The following EPHB1 variants were observed in gnomAD, a reference collection of about 807,000 sequenced individuals.
The protein encoded by EPHB1 is ephrin type-B receptor 1.
In EPHB1, 30 loss-of-function variants were observed where a neutral mutation model predicts 94.4. The ratio of observed to expected loss-of-function variants is 0.32; its 90% CI spans 0.24 to 0.43. EPHB1 has a LOEUF of 0.43. EPHB1 is among the 20% of genes least tolerant of loss of function. The pLI, the probability that EPHB1 is intolerant of heterozygous loss-of-function variation, is 1.00. For missense variants in EPHB1, 1,055 were observed against 1,308.3 expected, an observed-to-expected ratio of 0.81 and a Z score of 2.99; for synonymous variants, 522 against 489.1, an observed-to-expected ratio of 1.07 and a Z score of -0.89.
At chr3:135,205,101 C>T (rs570994736) in intron 12 of EPHB1, among the ~76,000 whole-genome samples, 10 of 151,976 alleles carry the variant, frequency 6.6e-5, no homozygotes, top group African/African-American at 1.2e-4. Context: ...CAATTGCATC[C>T]GTGTTGCTGC....
chr3:134,924,553 T>C (rs2038752931), intron 1 of EPHB1, among the ~76,000 whole-genome samples: 1 of 152,102 alleles, frequency 6.6e-6, no homozygotes, highest in Non-Finnish European at 1.5e-5. Context: ...TACACACTGA[T>C]TAAAATGGCT....
intron 1 of EPHB1, among the ~76,000 whole-genome samples, chr3:134,864,108 C>T (rs1277136841): frequency 5.3e-5 from 8 of 152,222 alleles, no homozygotes; most frequent in Non-Finnish European, 1.2e-4. Flanking sequence ...GGTTCAGCTG[C>T]AACCCTGCTC....
At chr3:135,163,674 TC>T (rs1941573659) in intron 7 of EPHB1, among the ~76,000 whole-genome samples, 1 of 152,228 alleles carries the variant, frequency 6.6e-6, no homozygotes, top group African/African-American at 2.4e-5. Context: ...AGTGCTGGTC[TC>T]TTGGCAATTC....
chr3:135,001,725 CT>C (rs1386348736), intron 3 of EPHB1, among the ~76,000 whole-genome samples: 1 of 152,140 alleles, frequency 6.6e-6, no homozygotes, highest in Non-Finnish European at 1.5e-5. Context: ...CTTGCCTCCT[CT>C]ATGTTATCCT....
rs141044606 is a variant in EPHB1, at chr3:135,069,696, A to G, written c.806-36752A>G. Reference sequence around the variant, plus strand: ...ATCTGGATCCCCTTGCTAGTTTACTATAACCAGCTTTGTGATCACAGGCCA... The same window carrying G: ...ATCTGGATCCCCTTGCTAGTTTACTGTAACCAGCTTTGTGATCACAGGCCA... On this transcript the variant is annotated intron_variant, in intron 3 of 15. Coordinates refer to ENST00000398015, the MANE Select transcript of EPHB1 (RefSeq NM_004441.5). Among the ~76,000 whole-genome samples, 4 of 152,274 alleles carry G rather than the reference A, an allele frequency of 2.6e-5. No individual in the cohort carries two copies. In the East Asian group the frequency reaches 7.7e-4, roughly 29 times the overall value.
At chr3:134,830,747 C>G (rs745847053) in intron 1 of EPHB1, among the ~76,000 whole-genome samples, 14 of 152,198 alleles carry the variant, frequency 9.2e-5, no homozygotes, top group Non-Finnish European at 2.1e-4. Context: ...CTGGCCTGAC[C>G]TCTGCCTGGC....
At position 135,110,551 on chromosome 3, in the gene EPHB1, A is replaced by C. The variant is rs117303984; in HGVS notation, c.961+3948A>C. ...TGGAACACGAGCTTCCTTCTGGATAAAATTGGGTATGCTGGAACTCAAATT... is the reference window on the plus strand; with the variant it reads ...TGGAACACGAGCTTCCTTCTGGATACAATTGGGTATGCTGGAACTCAAATT... On this transcript the variant is annotated intron_variant, in intron 4 of 15. Transcript: ENST00000398015. Among the ~76,000 whole-genome samples the C allele has an allele frequency of 4.2e-4, 64 of 152,286 alleles. No homozygotes were observed. The East Asian group carries it at 0.012, about 29-fold the overall frequency.
chr3:134,948,957 G>A (rs959106852), intron 2 of EPHB1, among the ~76,000 whole-genome samples: 1 of 152,244 alleles, frequency 6.6e-6, no homozygotes, highest in African/African-American at 2.4e-5. Flanking sequence ...AGAAAGCACA[G>A]CATAAGAACA....
chr3:134,955,841 A>G lies in EPHB1; in HGVS notation c.805+3789A>G, dbSNP rs1292613335. On this transcript the variant is annotated intron_variant, in intron 3 of 15. Coordinates refer to ENST00000398015, the MANE Select transcript of EPHB1 (RefSeq NM_004441.5). The stretch of plus-strand genomic sequence containing the variant: ...TATAAAATTGTTAATTACTAGGAAA[A>G]TGCCCCATCTACCCCAATTTCAAGT... Among the ~76,000 whole-genome samples, 3 of 152,190 alleles carry G rather than the reference A, an allele frequency of 2.0e-5. No individual in the cohort carries two copies. The East Asian group carries it at 5.8e-4, about 29-fold the overall frequency.
intron 1 of EPHB1, among the ~76,000 whole-genome samples, chr3:134,904,077 G>A (rs2038262880): frequency 6.6e-6 from 1 of 152,138 alleles, no homozygotes; most frequent in South Asian, 2.1e-4. Flanking sequence ...TGCTGGCCTA[G>A]GAGATCTCCA....
intron 2 of EPHB1, among the ~76,000 whole-genome samples, chr3:134,933,915 T>C (rs36167): frequency 0.55 from 83,092 of 151,890 alleles, 24,598 homozygotes; most frequent in African/African-American, 0.77. Context: ...CTGAGCTGTT[T>C]CCTAGGAATT....
chr3:135,168,890 T>C (rs781542258), intron 9 of EPHB1, among the ~76,000 whole-genome samples: 7 of 152,180 alleles, frequency 4.6e-5, no homozygotes, highest in Non-Finnish European at 8.8e-5. Flanking sequence ...TCAAGAGATA[T>C]CCAAAGATGC....
At chr3:134,855,248 A>T (rs1489033519) in intron 1 of EPHB1, among the ~76,000 whole-genome samples, 1 of 152,250 alleles carries the variant, frequency 6.6e-6, no homozygotes, top group Non-Finnish European at 1.5e-5. Context: ...AGAGACTTCC[A>T]GGCAGGCTTT....
chr3:134,832,277 G>T (rs1258031945), intron 1 of EPHB1, among the ~76,000 whole-genome samples: 1 of 152,164 alleles, frequency 6.6e-6, no homozygotes, highest in Non-Finnish European at 1.5e-5. Context: ...GGCTGTAGAG[G>T]GCCTTCAACA....
chr3:135,201,427 C>A, intron 11 of EPHB1, 47 bp from the exon 12 acceptor site: 1 of 1,592,232 alleles, frequency 6.3e-7, no homozygotes, highest in Non-Finnish European at 8.6e-7. Flanking sequence ...CTCTGCTTAA[C>A]CATTGAAGCC....
intron 3 of EPHB1, among the ~76,000 whole-genome samples, chr3:134,965,253 T>G (rs759193031): frequency 8.5e-5 from 13 of 152,240 alleles, no homozygotes; most frequent in Non-Finnish European, 1.8e-4. Flanking sequence ...TCATTCCAGA[T>G]ACTCATTAAG....
intron 3 of EPHB1, among the ~76,000 whole-genome samples, chr3:134,960,017 G>A (rs886165957): frequency 9.4e-6 from 1 of 106,676 alleles, no homozygotes; most frequent in Non-Finnish European, 1.8e-5. Context: ...TTGCATGGAC[G>A]GAGACTCACC....
intron 3 of EPHB1, among the ~76,000 whole-genome samples, chr3:135,030,790 A>T (rs1043906505): frequency 1.6e-4 from 25 of 152,214 alleles, no homozygotes; most frequent in Admixed American, 1.3e-3. Context: ...TACCTAAGCA[A>T]GCCTGGGCAA....
chr3:135,034,718 C>T (rs1576334038), intron 3 of EPHB1, among the ~76,000 whole-genome samples: 1 of 152,222 alleles, frequency 6.6e-6, no homozygotes, highest in Admixed American at 6.5e-5. Flanking sequence ...GTCATGGCTT[C>T]CAGAAGCAGG....
Sources: allele counts gnomAD v4.1 joint callset (sites outside exome capture counted in the v4.1 genomes callset), GRCh38; gene constraint gnomAD v4.1.1; transcripts MANE v1.5; gene names NCBI Gene and HGNC (gene_info 2026-07-23, HGNC 2026-07-21).